CDH9: variants seen among roughly 807,000 people sequenced by gnomAD.
The protein encoded by CDH9 is cadherin-9.
Under a neutral mutation model 70.9 loss-of-function variants are expected in CDH9, and 28 were observed. That is an observed-to-expected ratio of 0.40 (90% CI 0.29 to 0.54). The LOEUF (loss-of-function observed/expected upper bound fraction) is 0.54, where lower values mean the gene tolerates loss of function less well. Ranked by LOEUF, CDH9 falls within the 20% of genes least tolerant of loss-of-function variation. CDH9 has a pLI of 0.59. For synonymous variants in CDH9, 409 were observed against 343.1 expected (o/e 1.19, Z -2.12); for missense variants, 874 against 984.4 (o/e 0.89, Z 1.50).
intron 2 of CDH9, among the ~76,000 whole-genome samples, chr5:26,944,404 A>G (rs1741711604): frequency 6.6e-6 from 1 of 152,222 alleles, no homozygotes; most frequent in Non-Finnish European, 1.5e-5. Flanking sequence ...TAATCCCAGC[A>G]CTTTGGGAGG....
chr5:26,980,048 C>A (rs919996508), intron 2 of CDH9, among the ~76,000 whole-genome samples: 7 of 151,482 alleles, frequency 4.6e-5, no homozygotes, highest in African/African-American at 1.7e-4. Context: ...AATACTATAC[C>A]CAGCAAGTAT....
At chr5:26,920,240 T>C (rs985408329) in intron 2 of CDH9, among the ~76,000 whole-genome samples, 2 of 151,776 alleles carry the variant, frequency 1.3e-5, no homozygotes, top group East Asian at 4.0e-4. Context: ...GTACTTGTCA[T>C]GGGCCTGAGG....
At chr5:26,899,724 G>T (rs1198404019) in intron 7 of CDH9, among the ~76,000 whole-genome samples, 2 of 151,906 alleles carry the variant, frequency 1.3e-5, no homozygotes, top group Non-Finnish European at 1.5e-5. Context: ...GTCAGGGGTT[G>T]GGGGAGCTAG....
intron 1 of CDH9, among the ~76,000 whole-genome samples, chr5:26,999,252 TAAATAA>T (rs1379585744): frequency 6.6e-6 from 1 of 151,472 alleles, no homozygotes; most frequent in Non-Finnish European, 1.5e-5. Context: ...AAAATAAAAA[TAAATAA>T]AAATAAAGGA....
intron 2 of CDH9, among the ~76,000 whole-genome samples, chr5:26,920,062 C>A (rs530852479): frequency 6.6e-6 from 1 of 151,998 alleles, no homozygotes; most frequent in Admixed American, 6.6e-5. Flanking sequence ...TGGGGTAGAG[C>A]ACCAAAAGTA....
intron 2 of CDH9, among the ~76,000 whole-genome samples, chr5:26,986,738 A>T (rs1216738009): frequency 6.6e-6 from 1 of 152,054 alleles, no homozygotes; most frequent in East Asian, 1.9e-4. Flanking sequence ...TAGACAAAAA[A>T]CATTTGCTAG....
At chr5:26,931,396 G>C (rs563961733) in intron 2 of CDH9, among the ~76,000 whole-genome samples, 2 of 152,100 alleles carry the variant, frequency 1.3e-5, no homozygotes, top group Non-Finnish European at 2.9e-5. Flanking sequence ...AACTGTGCAT[G>C]AACAGTATGC....
At chr5:26,915,591 CAAAT>C (rs1561193745) in intron 3 of CDH9, 35 bp downstream of exon 3, 4 of 1,203,832 alleles carry the variant, frequency 3.3e-6, no homozygotes, top group Middle Eastern at 2.0e-4. Flanking sequence ...AGCAAACAAA[CAAAT>C]AAAAAGTAGT....
chr5:26,937,556 T>C (rs1453873632), intron 2 of CDH9, among the ~76,000 whole-genome samples: 2 of 152,164 alleles, frequency 1.3e-5, no homozygotes, highest in East Asian at 1.9e-4. Context: ...AGCAACTTTA[T>C]GCATAACTGG....
chr5:26,896,541 A>G (rs533567722), intron 7 of CDH9, among the ~76,000 whole-genome samples: 5 of 147,982 alleles, frequency 3.4e-5, no homozygotes, highest in Non-Finnish European at 6.0e-5. Flanking sequence ...TTCATTATAC[A>G]ATAGAATGAA....
At chr5:27,025,546 T>C (rs1053333917) in intron 1 of CDH9, among the ~76,000 whole-genome samples, 1 of 151,948 alleles carries the variant, frequency 6.6e-6, no homozygotes, top group Non-Finnish European at 1.5e-5. Context: ...GAAATAAAGG[T>C]TGGCATGAAG....
In CDH9 at chr5:26,994,227, T is replaced by G. The variant is rs567995275; in HGVS notation, c.-49-5845A>C. 2.0e-5 allele frequency among the ~76,000 whole-genome samples: 3 copies of G among 152,286 alleles called. No homozygotes were observed. The South Asian group carries it at 6.2e-4, about 32-fold the overall frequency. On this transcript the variant is annotated intron_variant, in intron 1 of 11. Coordinates refer to ENST00000231021, the MANE Select transcript of CDH9 (RefSeq NM_016279.4). Reference sequence around the variant, plus strand: ...ATGATATTAGATGAGATTTTGAACTTCATAGAGTTGATGTTGGAATAAGTA... The same window carrying G: ...ATGATATTAGATGAGATTTTGAACTGCATAGAGTTGATGTTGGAATAAGTA...
intron 2 of CDH9, 131 bp downstream of exon 2, chr5:26,987,975 T>C (rs775118578): frequency 1.5e-6 from 1 of 649,986 alleles, no homozygotes; most frequent in Non-Finnish European, 2.6e-6. Context: ...TAAAATAGTT[T>C]GCAATATCAC....
intron 2 of CDH9, among the ~76,000 whole-genome samples, chr5:26,948,011 T>C (rs11955215): frequency 0.12 from 18,935 of 151,950 alleles, 3,937 homozygotes; most frequent in African/African-American, 0.43. Flanking sequence ...GAGTCGAAAC[T>C]TCTCCATTTA....
intron 2 of CDH9, among the ~76,000 whole-genome samples, chr5:26,962,269 T>C (rs1742049972): frequency 6.6e-6 from 1 of 152,160 alleles, no homozygotes; most frequent in African/African-American, 2.4e-5. Context: ...TTGTGAACAG[T>C]GCCACAATAA....
At chr5:27,035,079 GTATC>G (rs1743369582) in intron 1 of CDH9, among the ~76,000 whole-genome samples, 3 of 150,098 alleles carry the variant, frequency 2.0e-5, no homozygotes, top group Non-Finnish European at 3.0e-5. Context: ...TATCCTCTAT[GTATC>G]TGTCTATCAT....
At chr5:26,893,531 G>A (rs1740696210) in intron 7 of CDH9, among the ~76,000 whole-genome samples, 1 of 152,036 alleles carries the variant, frequency 6.6e-6, no homozygotes, top group Non-Finnish European at 1.5e-5. Context: ...GTTATGAAAA[G>A]AATTTAGGCA....
At chr5:26,907,248 C>T (rs1325365286) in intron 3 of CDH9, among the ~76,000 whole-genome samples, 1 of 151,834 alleles carries the variant, frequency 6.6e-6, no homozygotes, top group Non-Finnish European at 1.5e-5. Context: ...CCTGCTGCTG[C>T]TTTTTATTCT....
At chr5:26,884,683 TTCATCCA>T (rs1208839656) in intron 11 of CDH9, among the ~76,000 whole-genome samples, 1 of 152,198 alleles carries the variant, frequency 6.6e-6, no homozygotes, top group African/African-American at 2.4e-5. Flanking sequence ...CCAAAGGGAT[TTCATCCA>T]GATAGCTTGA....
Sources: gnomAD v4.1 joint callset for allele counts (sites outside exome capture counted in the v4.1 genomes callset) on GRCh38, gnomAD v4.1.1 for gene constraint, MANE v1.5 for transcripts, NCBI Gene and HGNC (gene_info 2026-07-23, HGNC 2026-07-21) for gene names.